The following NFKBIA variants were observed in gnomAD, a reference collection of about 807,000 sequenced individuals.
The protein encoded by NFKBIA is NF-kappa-B inhibitor alpha.
In NFKBIA, 10 loss-of-function variants were observed where a neutral mutation model predicts 36.3. The observed-to-expected ratio is 0.28, with a 90% CI of 0.17 to 0.47. The LOEUF (loss-of-function observed/expected upper bound fraction) is 0.47, where lower values mean the gene tolerates loss of function less well. Ranked by LOEUF, NFKBIA falls within the 20% of genes least tolerant of loss-of-function variation. NFKBIA has a pLI of 0.99. For missense variants in NFKBIA, 355 were observed against 399.3 expected (o/e 0.89, Z 0.94); for synonymous variants, 205 against 164.4 (o/e 1.25, Z -1.89).
chr14:35,404,267 G>C (rs2052764138), intron 1 of NFKBIA, 151 bp downstream of exon 1: 4 of 448,756 alleles, frequency 8.9e-6, no homozygotes, highest in African/African-American at 2.1e-5. Flanking sequence ...TGCAGCGTTC[G>C]GGGCGGTGCA....
chr14:35,401,718 A>G lies in NFKBIA; in HGVS notation c.*295T>C. The G allele has an allele frequency of 2.0e-6, 1 of 494,134 alleles. No homozygotes were observed. Among genetic ancestry groups the G allele is most frequent in the East Asian group, 3.5e-5 (1 of 28,684 alleles). 30.6% of individuals were successfully genotyped at this position (494,134 alleles called of 1,614,324 possible). ...CAGTCACTCGAAGCACAATAAATAT[A>G]AAATGTGGTCCTTCCATGAAATTTT... On this transcript the variant is annotated 3_prime_UTR_variant, in exon 6 of 6. Transcript: ENST00000216797.
Position 35,401,868 on chromosome 14 carries a change from A to G in NFKBIA, c.*145T>C, listed in dbSNP as rs2052728970. Reference sequence around the variant, plus strand: ...CAACAAAATGAGGGCTGATCCTACCACAATAAGACGTTTTGGGCCAGGCAG... The same window carrying G: ...CAACAAAATGAGGGCTGATCCTACCGCAATAAGACGTTTTGGGCCAGGCAG... On this transcript the variant is annotated 3_prime_UTR_variant, in exon 6 of 6. Coordinates refer to ENST00000216797, the MANE Select transcript of NFKBIA (RefSeq NM_020529.3). 12 of 863,376 alleles carry G rather than the reference A, an allele frequency of 1.4e-5. No individual in the cohort carries two copies. The highest frequency in any genetic ancestry group is 1.9e-5 in the Non-Finnish European group (10 of 532,270). 53.5% of individuals were successfully genotyped at this position (863,376 alleles called of 1,614,324 possible).
Position 35,401,876 on chromosome 14 carries a change from A to C in NFKBIA, c.*137T>G. 1 of 916,846 alleles carries C rather than the reference A, an allele frequency of 1.1e-6. No individual in the cohort carries two copies. The highest frequency in any genetic ancestry group is 1.4e-5 in the South Asian group (1 of 69,394). The allele number at this position is 916,846 out of a possible 1,614,324, so 56.8% of individuals were successfully genotyped here. ...TGAGGGCTGATCCTACCACAATAAG[A>C]CGTTTTGGGCCAGGCAGTGTGCAGT... is the stretch of plus-strand genomic sequence containing the variant. On this transcript the variant is annotated 3_prime_UTR_variant, in exon 6 of 6. Transcript: ENST00000216797.
In NFKBIA at chr14:35,404,736, G is replaced by A. The variant is rs1196548756; in HGVS notation, c.-92C>T. 10 of 890,588 alleles carry A rather than the reference G, an allele frequency of 1.1e-5. No individual in the cohort carries two copies. In the South Asian group the frequency reaches 2.1e-4, roughly 18 times the overall value. 55.2% of individuals were successfully genotyped at this position (890,588 alleles called of 1,614,324 possible). ...TGGGGCGCTGGCGGGCGGGACGGCG[G>A]CACGGACTGCTGTGGGCTCTGCAGC... On this transcript the variant is annotated 5_prime_UTR_variant, in exon 1 of 6. Coordinates refer to ENST00000216797, the MANE Select transcript of NFKBIA (RefSeq NM_020529.3).
intron 2 of NFKBIA, 42 bp downstream of exon 2, chr14:35,403,648 G>T (rs763579448): frequency 7.0e-7 from 1 of 1,421,680 alleles, no homozygotes. Context: ...CATCAGCTAC[G>T]TCCCAGGGTC....
chr14:35,401,693 C>T lies in NFKBIA; in HGVS notation c.*320G>A, dbSNP rs1232260647. Reference sequence around the variant, plus strand: ...ACATGTCACAGGATACCACTGGGGTCAGTCACTCGAAGCACAATAAATATA... The same window carrying T: ...ACATGTCACAGGATACCACTGGGGTTAGTCACTCGAAGCACAATAAATATA... On this transcript the variant is annotated 3_prime_UTR_variant, in exon 6 of 6. Transcript: ENST00000216797. 4.4e-6 allele frequency: 2 copies of T among 452,910 alleles called. No homozygotes were observed. Among genetic ancestry groups the T allele is most frequent in the African/African-American group, 2.0e-5 (1 of 51,176 alleles). The allele number at this position is 452,910 out of a possible 1,614,324, so 28.1% of individuals were successfully genotyped here.
intron 4 of NFKBIA, 49 bp downstream of exon 4, chr14:35,402,721 CA>C: frequency 6.2e-7 from 1 of 1,614,000 alleles, no homozygotes; most frequent in Non-Finnish European, 8.5e-7. Flanking sequence ...CTGCTCACAA[CA>C]TAAGCACGAG....
Position 35,402,007 on chromosome 14 carries a change from T to C in NFKBIA, c.*6A>G, listed in dbSNP as rs749282975. On this transcript the variant is annotated 3_prime_UTR_variant, in exon 6 of 6. Transcript: ENST00000216797. ...ACAAGTCCATGTTCTTTCAGCCCCT[T>C]TGCGCTCATAACGTCAGACGCTGGC... is the stretch of plus-strand genomic sequence containing the variant. 10 of 1,613,924 alleles carry C rather than the reference T, an allele frequency of 6.2e-6. No individual in the cohort carries two copies. In the African/African-American group the frequency reaches 1.3e-4, roughly 22 times the overall value.
chr14:35,404,244 G>GGCCCTGCA (rs1158938002), intron 1 of NFKBIA, 174 bp downstream of exon 1: 4 of 371,972 alleles, frequency 1.1e-5, no homozygotes, highest in South Asian at 5.6e-5. Context: ...TGCCCCGCGC[G>GGCCCTGCA]GCCCTGCAGC....
rs779814000 is a variant in NFKBIA, at chr14:35,401,992, G to T, written c.*21C>A. On this transcript the variant is annotated 3_prime_UTR_variant, in exon 6 of 6. Coordinates refer to ENST00000216797, the MANE Select transcript of NFKBIA (RefSeq NM_020529.3). The stretch of plus-strand genomic sequence containing the variant: ...TTTTTGTACAAATATACAAGTCCAT[G>T]TTCTTTCAGCCCCTTTGCGCTCATA... 1 of 1,612,628 alleles carries T rather than the reference G, an allele frequency of 6.2e-7. No individual in the cohort carries two copies. The highest frequency in any genetic ancestry group is 8.5e-7 in the Non-Finnish European group (1 of 1,178,968).
At position 35,401,811 on chromosome 14, in the gene NFKBIA, C is replaced by G; in HGVS notation, c.*202G>C. 1.7e-6 allele frequency: 1 copy of G among 603,652 alleles called. No homozygotes were observed. The highest frequency in any genetic ancestry group is 3.0e-6 in the Non-Finnish European group (1 of 337,224). 37.4% of individuals were successfully genotyped at this position (603,652 alleles called of 1,614,324 possible). A position where few individuals can be genotyped will look rare whatever the true frequency, so the allele number is the denominator to read the frequency against. On this transcript the variant is annotated 3_prime_UTR_variant, in exon 6 of 6. Coordinates refer to ENST00000216797, the MANE Select transcript of NFKBIA (RefSeq NM_020529.3). ...GAAGTTTTCTCAGAATTTCAATGAT[C>G]TTTCTCGTCCCCTACAAAAAGTTCA...
chr14:35,402,180 T>C lies in NFKBIA; in HGVS notation c.907-120A>G. 9 of 1,298,630 alleles carry C rather than the reference T, an allele frequency of 6.9e-6. 1 individual carries two copies. Among genetic ancestry groups the C allele is most frequent in the South Asian group, 5.9e-5 (5 of 84,176 alleles). 80.4% of individuals were successfully genotyped at this position (1,298,630 alleles called of 1,614,324 possible). On this transcript the variant is annotated intron_variant, in intron 5 of 5. Transcript: ENST00000216797. The stretch of plus-strand genomic sequence containing the variant: ...GACTCCATTCTCCATAGCCCAAATA[T>C]AATGAACTTTACAGGCTGAGAGAGT...
At chr14:35,402,906 A>C in intron 3 of NFKBIA, 47 bp from the exon 4 acceptor site, 1 of 1,531,298 alleles carries the variant, frequency 6.5e-7, no homozygotes, top group Non-Finnish European at 9.0e-7. Context: ...TTCAACCCTC[A>C]CTCCTTTCAC....
chr14:35,404,005 G>T (rs1296365185), intron 1 of NFKBIA: 3 of 582,242 alleles, frequency 5.2e-6, no homozygotes, highest in African/African-American at 1.9e-5. Flanking sequence ...GGCGGGCGCC[G>T]GCCAGACCGC....
At position 35,401,726 on chromosome 14, in the gene NFKBIA, GTCCT is replaced by G. The variant is rs2052727703; in HGVS notation, c.*283_*286del. The G allele has an allele frequency of 5.9e-6, 3 of 505,182 alleles. No homozygotes were observed. Among genetic ancestry groups the G allele is most frequent in the African/African-American group, 1.9e-5 (1 of 52,314 alleles). 31.3% of individuals were successfully genotyped at this position (505,182 alleles called of 1,614,324 possible). ...CGAAGCACAATAAATATAAAATGTG[GTCCT>G]TCCATGAAATTTTTGATAACCTTCT... On this transcript the variant is annotated 3_prime_UTR_variant, in exon 6 of 6. Coordinates refer to ENST00000216797, the MANE Select transcript of NFKBIA (RefSeq NM_020529.3).
At position 35,403,261 on chromosome 14, in the gene NFKBIA, T is replaced by A; in HGVS notation, c.436A>T (p.Thr146Ser). The A allele has an allele frequency of 6.2e-7, 1 of 1,613,126 alleles. No individual in the cohort carries two copies. The highest frequency in any genetic ancestry group is 8.5e-7 in the Non-Finnish European group (1 of 1,179,926). The change falls in exon 3 of 6, where the codon ACC becomes TCC. Residue 146 changes from threonine to serine, a missense_variant. By Grantham distance (58) the Thr-to-Ser change is moderately conservative. Coordinates refer to ENST00000216797, the MANE Select transcript of NFKBIA (RefSeq NM_020529.3). ...DPELRDFRGN[T>S]PLHLACEQGC... ...TGCTCACAGGCAAGGTGTAGGGGGG[T>A]ATTTCCTCGAAAGTCTCGGAGCTCA... is the stretch of plus-strand genomic sequence containing the variant.
Position 35,403,163 on chromosome 14 carries a change from A to G in NFKBIA, c.534T>C (p.Ala178=), listed in dbSNP as rs1294504395. ...AGGCAGACATACCATTGTAGTTGGT[A>G]GCCTTCAGGATGGAGTGGAGGTGCG... is the stretch of plus-strand genomic sequence containing the variant. ...TTPHLHSILK[A]TNYNGHTCLH... Residue 178 remains alanine, a synonymous_variant, in exon 3 of 6, where the codon GCT becomes GCC. Coordinates refer to ENST00000216797, the MANE Select transcript of NFKBIA (RefSeq NM_020529.3). The G allele has an allele frequency of 6.2e-7, 1 of 1,611,352 alleles. No individual in the cohort carries two copies. The highest frequency in any genetic ancestry group is 8.5e-7 in the Non-Finnish European group (1 of 1,179,460).
At position 35,402,447 on chromosome 14, in the gene NFKBIA, C is replaced by T. The variant is rs1448842981; in HGVS notation, c.853G>A (p.Asp285Asn). The T allele has an allele frequency of 2.5e-6, 4 of 1,614,192 alleles. No individual in the cohort carries two copies. The Admixed American group carries it at 6.7e-5, about 27-fold the overall frequency. The change falls in exon 5 of 6, where the codon GAT becomes AAT. Residue 285 changes from aspartate (D) to asparagine (N), a missense_variant. Coordinates refer to ENST00000216797, the MANE Select transcript of NFKBIA (RefSeq NM_020529.3). ...GACTCTGTGTCATAGCTCTCCTCAT[C>T]CTCACTCTCTGGCAGCATCTGAAGG... Reference protein sequence around the residue: ...ENLQMLPESEDEESYDTESEF... With the variant: ...ENLQMLPESENEESYDTESEF...
At position 35,403,387 on chromosome 14, in the gene NFKBIA, A is replaced by G. The variant is rs374198652; in HGVS notation, c.337-27T>C. The G allele has an allele frequency of 1.1e-4, 173 of 1,612,514 alleles. 1 individual carries two copies. Among genetic ancestry groups the G allele is most frequent in the Non-Finnish European group, 1.4e-4 (160 of 1,179,182 alleles). On this transcript the variant is annotated intron_variant, in intron 2 of 5. Coordinates refer to ENST00000216797, the MANE Select transcript of NFKBIA (RefSeq NM_020529.3). ...TACGAATGCAAGAGAGACCAGAGAAAGTAAGCCATGGACCAAACCCACACC... is the reference window on the plus strand; with the variant it reads ...TACGAATGCAAGAGAGACCAGAGAAGGTAAGCCATGGACCAAACCCACACC...
Sources: gnomAD v4.1 joint callset for allele counts on GRCh38, gnomAD v4.1.1 for gene constraint, MANE v1.5 for transcripts, NCBI Gene and HGNC (gene_info 2026-07-23, HGNC 2026-07-21) for gene names.